ZNF609: variants seen among roughly 807,000 people sequenced by gnomAD.
ZNF609 encodes the protein zinc finger protein 609.
A neutral mutation model predicts 109.5 loss-of-function variants in ZNF609; 11 were observed. The observed-to-expected ratio is 0.10, with a 90% CI of 0.06 to 0.17. The LOEUF (loss-of-function observed/expected upper bound fraction) is 0.17, where lower values mean the gene tolerates loss of function less well. Ranked by LOEUF, ZNF609 falls within the 10% of genes least tolerant of loss-of-function variation. The pLI is 1.00. For missense variants in ZNF609, 1,559 were observed against 1,772.4 expected (o/e 0.88, Z 2.16); for synonymous variants, 646 against 662.0 (o/e 0.98, Z 0.37).
At chr15:64,618,807 T>A (rs913417342) in intron 2 of ZNF609, among the ~76,000 whole-genome samples, 1 of 152,188 alleles carries the variant, frequency 6.6e-6, no homozygotes, top group African/African-American at 2.4e-5. Context: ...TGTCTTCTTC[T>A]GCCAATGTGT....
intron 1 of ZNF609, among the ~76,000 whole-genome samples, chr15:64,474,970 G>GTT (rs1292372479): frequency 6.6e-6 from 1 of 151,472 alleles, no homozygotes; most frequent in Non-Finnish European, 1.5e-5. Flanking sequence ...TTTGTTGTTT[G>GTT]TTTTTAAGAT....
chr15:64,462,508 C>T (rs1892958801), intron 1 of ZNF609, among the ~76,000 whole-genome samples: 1 of 152,180 alleles, frequency 6.6e-6, no homozygotes, highest in African/African-American at 2.4e-5. Flanking sequence ...GTGGCTCATG[C>T]TTGTAATCTT....
intron 3 of ZNF609, among the ~76,000 whole-genome samples, chr15:64,663,976 C>A (rs1276323449): frequency 6.6e-6 from 1 of 152,182 alleles, no homozygotes; most frequent in East Asian, 1.9e-4. Flanking sequence ...TGCCTGTAAT[C>A]CCAGCACTTT....
At chr15:64,637,991 G>GTT (rs1453481914) in intron 3 of ZNF609, among the ~76,000 whole-genome samples, 87 of 49,362 alleles carry the variant, frequency 1.8e-3, no homozygotes, top group Admixed American at 5.6e-3. Flanking sequence ...TGAGAACCTT[G>GTT]TTTTATATAT....
At chr15:64,548,836 CAT>C (rs1433980287) in intron 2 of ZNF609, among the ~76,000 whole-genome samples, 3 of 152,094 alleles carry the variant, frequency 2.0e-5, no homozygotes, top group African/African-American at 7.2e-5. Context: ...ATTTGTTCTG[CAT>C]ATATGTCAAA....
At chr15:64,460,953 C>A (rs1380982499) in intron 1 of ZNF609, 115 bp downstream of exon 1, 1 of 85,722 alleles carries the variant, frequency 1.2e-5, no homozygotes, top group East Asian at 4.0e-4. Flanking sequence ...CGCTGCCTGA[C>A]GGAGGAAGTG....
rs530296409 is a variant in ZNF609 at position 64,684,777 on chromosome 15, T to C, written c.*3091T>C. 540 of 152,826 alleles carry C rather than the reference T, an allele frequency of 3.5e-3. 5 individuals carry two copies. Among genetic ancestry groups the C allele is most frequent in the Non-Finnish European group, 6.6e-3 (450 of 68,056 alleles). The allele number at this position is 152,826 out of a possible 1,614,324, so 9.5% of individuals were successfully genotyped here. On this transcript the variant is annotated 3_prime_UTR_variant, in exon 10 of 10. Transcript: ENST00000326648. ...GGCCACCCATGTCACTTATCCCGTA[T>C]ACCCTCTCACCATCCCCTTGTCTAC...
At chr15:64,652,657 G>T (rs1309329452) in intron 3 of ZNF609, among the ~76,000 whole-genome samples, 1 of 151,944 alleles carries the variant, frequency 6.6e-6, no homozygotes, top group Non-Finnish European at 1.5e-5. Context: ...CAAAGTGCTG[G>T]GACTACAAGT....
chr15:64,554,572 C>T (rs1392413123), intron 2 of ZNF609, among the ~76,000 whole-genome samples: 1 of 151,918 alleles, frequency 6.6e-6, no homozygotes, highest in Non-Finnish European at 1.5e-5. Flanking sequence ...GAGGGGAGAT[C>T]AGTTGAGCCC....
chr15:64,535,224 A>AT (rs1437766787), intron 2 of ZNF609, among the ~76,000 whole-genome samples: 1 of 151,972 alleles, frequency 6.6e-6, no homozygotes, highest in East Asian at 1.9e-4. Context: ...AATTTTTAAA[A>AT]TTTTTTGTAG....
intron 2 of ZNF609, among the ~76,000 whole-genome samples, chr15:64,553,792 G>C (rs1210337169): frequency 6.6e-6 from 1 of 151,908 alleles, no homozygotes; most frequent in Non-Finnish European, 1.5e-5. Flanking sequence ...TAGAGACGGG[G>C]TTTCATCATG....
chr15:64,491,378 T>A (rs1427580292), intron 1 of ZNF609, among the ~76,000 whole-genome samples: 3 of 152,226 alleles, frequency 2.0e-5, no homozygotes, highest in African/African-American at 7.2e-5. Context: ...GAAGATGGTA[T>A]AATATGGTTA....
chr15:64,518,649 G>A (rs777002667), intron 2 of ZNF609, among the ~76,000 whole-genome samples: 4 of 152,210 alleles, frequency 2.6e-5, no homozygotes, highest in Non-Finnish European at 4.4e-5. Context: ...TGTTAGCATA[G>A]TTAGCAAGAC....
intron 2 of ZNF609, among the ~76,000 whole-genome samples, chr15:64,515,830 C>T (rs918274666): frequency 4.6e-5 from 7 of 150,610 alleles, no homozygotes; most frequent in African/African-American, 1.5e-4. Flanking sequence ...CCCAGCTACT[C>T]GGGAGGCCGA....
chr15:64,666,087 AAACAC>A (rs1290970906), intron 3 of ZNF609, among the ~76,000 whole-genome samples: 23 of 147,666 alleles, frequency 1.6e-4, no homozygotes, highest in South Asian at 8.6e-4. Context: ...AAAAAAAAAA[AAACAC>A]ACACACACAA....
At chr15:64,562,780 T>C (rs550560895) in intron 2 of ZNF609, among the ~76,000 whole-genome samples, 1 of 151,710 alleles carries the variant, frequency 6.6e-6, no homozygotes, top group South Asian at 2.1e-4. Flanking sequence ...CCCTAAACAA[T>C]CAAATCTCAG....
chr15:64,613,865 T>C (rs1895755474), intron 2 of ZNF609, among the ~76,000 whole-genome samples: 1 of 151,776 alleles, frequency 6.6e-6, no homozygotes, highest in African/African-American at 2.4e-5. Context: ...GTTTATTGAA[T>C]GGAATTTTGT....
chr15:64,557,372 A>G (rs980150869), intron 2 of ZNF609, among the ~76,000 whole-genome samples: 3 of 152,114 alleles, frequency 2.0e-5, no homozygotes, highest in African/African-American at 7.2e-5. Context: ...ACCCACTAAA[A>G]ATTGTGAAAC....
At position 64,551,985 on chromosome 15, in the gene ZNF609, C is replaced by T. The variant is rs185612113; in HGVS notation, c.747+51819C>T. ...TGGGTGACAGAGTAAGACTCTGTCT[C>T]AAAAAAAAAAAAAAAAAGTTTTTTC... On this transcript the variant is annotated intron_variant, in intron 2 of 9. Transcript: ENST00000326648. Among the ~76,000 whole-genome samples the T allele has an allele frequency of 4.6e-4, 43 of 93,474 alleles. 1 individual carries two copies. Among genetic ancestry groups the T allele is most frequent in the Admixed American group, 5.7e-4 (5 of 8,772 alleles). The allele number at this position is 93,474 out of a possible 152,430, so 61.3% of individuals were successfully genotyped here. A position where few individuals can be genotyped will look rare whatever the true frequency, so the allele number is the denominator to read the frequency against.
Sources: allele counts gnomAD v4.1 joint callset (sites outside exome capture counted in the v4.1 genomes callset), GRCh38; gene constraint gnomAD v4.1.1; transcripts MANE v1.5; gene names NCBI Gene and HGNC (gene_info 2026-07-23, HGNC 2026-07-21).